CFAP54: variants seen among roughly 807,000 people sequenced by gnomAD.
The protein encoded by CFAP54 is cilia- and flagella-associated protein 54.
CFAP54 carries 290 observed loss-of-function variants against 370.4 expected under a neutral mutation model. The observed-to-expected ratio is 0.78, with a 90% CI of 0.71 to 0.86. The LOEUF is 0.86. Among genes scored for constraint, CFAP54 ranks in the 40% least tolerant of loss-of-function variants. The pLI, the probability that CFAP54 is intolerant of heterozygous loss-of-function variation, is 0.00. For synonymous variants in CFAP54, 1,206 were observed against 1,236.5 expected, an observed-to-expected ratio of 0.98 and a Z score of 0.52; for missense variants, 3,399 against 3,528.7, an observed-to-expected ratio of 0.96 and a Z score of 0.93.
intron 48 of CFAP54, among the ~76,000 whole-genome samples, chr12:96,713,462 T>G (rs1214605782): frequency 6.6e-6 from 1 of 152,218 alleles, no homozygotes; most frequent in Non-Finnish European, 1.5e-5. Flanking sequence ...ACTACTGATT[T>G]TCCTGGCTTC....
intron 5 of CFAP54, among the ~76,000 whole-genome samples, chr12:96,518,164 T>C (rs930354207): frequency 6.6e-6 from 1 of 152,136 alleles, no homozygotes; most frequent in Non-Finnish European, 1.5e-5. Flanking sequence ...GGTGGTAAAA[T>C]TGGGACCAAA....
chr12:96,651,937 G>A (rs542583437), intron 36 of CFAP54, 122 bp downstream of exon 36: 2 of 651,702 alleles, frequency 3.1e-6, no homozygotes, highest in Non-Finnish European at 5.1e-6. Flanking sequence ...CATTTCATTT[G>A]CTTCTCATTA....
chr12:96,659,261 G>A (rs1956962490), intron 38 of CFAP54, among the ~76,000 whole-genome samples: 1 of 152,120 alleles, frequency 6.6e-6, no homozygotes, highest in African/African-American at 2.4e-5. Flanking sequence ...AGCCTTCCGA[G>A]TAGCTGGGAT....
intron 66 of CFAP54, among the ~76,000 whole-genome samples, chr12:96,843,743 C>T (rs1959256919): frequency 6.6e-6 from 1 of 152,140 alleles, no homozygotes; most frequent in Non-Finnish European, 1.5e-5. Context: ...GGCACAATCA[C>T]AATTTACATG....
chr12:96,641,340 C>G (rs1319760240), intron 32 of CFAP54, among the ~76,000 whole-genome samples: 1 of 152,216 alleles, frequency 6.6e-6, no homozygotes, highest in African/African-American at 2.4e-5. Context: ...CTCATCATCA[C>G]TAGCCATCAG....
chr12:96,765,253 C>A (rs1304228737), intron 60 of CFAP54, 35 bp downstream of exon 60: 1 of 1,433,396 alleles, frequency 7.0e-7, no homozygotes, highest in African/African-American at 1.4e-5. Context: ...TGCAAAAAAA[C>A]TGATATATGT....
chr12:96,520,949 G>C (rs1462371647), intron 6 of CFAP54, among the ~76,000 whole-genome samples: 2 of 152,098 alleles, frequency 1.3e-5, no homozygotes, highest in African/African-American at 2.4e-5. Context: ...ACCTTCACGG[G>C]TTACTTGTGT....
chr12:96,767,330 C>G (rs893183574), intron 60 of CFAP54, among the ~76,000 whole-genome samples: 1 of 152,182 alleles, frequency 6.6e-6, no homozygotes, highest in African/African-American at 2.4e-5. Context: ...CAGCCAGGGG[C>G]ACACAGTGGA....
chr12:96,593,229 A>G (rs1164508794), intron 24 of CFAP54, among the ~76,000 whole-genome samples: 2 of 152,084 alleles, frequency 1.3e-5, no homozygotes, highest in Non-Finnish European at 2.9e-5. Flanking sequence ...CTGCAACTCT[A>G]TAATGCTCTT....
rs534880310 is a variant in CFAP54 at position 96,607,794 on chromosome 12, CT to C, written c.3639+9041del. Among the ~76,000 whole-genome samples, 1,152 of 142,546 alleles carry C rather than the reference CT, an allele frequency of 8.1e-3. 3 individuals carry two copies. The highest frequency in any genetic ancestry group is 0.029 in the South Asian group (130 of 4,474). The allele number at this position is 142,546 out of a possible 152,430, so 93.5% of individuals were successfully genotyped here. ...GGAAAGAGAATCAATTAGCTTCAGA[CT>C]TTTTTTTTTTTTTAAATCAGTGATG... On this transcript the variant is annotated intron_variant, in intron 26 of 67. Transcript: ENST00000524981.
chr12:96,505,857 A>T (rs1280955924), intron 3 of CFAP54, among the ~76,000 whole-genome samples: 1 of 152,018 alleles, frequency 6.6e-6, no homozygotes, highest in Non-Finnish European at 1.5e-5. Context: ...CTGGTGCATG[A>T]GCCTGTAACT....
chr12:96,640,625 C>A (rs1024352847), intron 32 of CFAP54, among the ~76,000 whole-genome samples: 8 of 152,160 alleles, frequency 5.3e-5, no homozygotes, highest in African/African-American at 1.9e-4. Context: ...CAAGTCAATC[C>A]TAAGCCAAAA....
chr12:96,643,962 A>G (rs1956762286), intron 32 of CFAP54, among the ~76,000 whole-genome samples: 2 of 152,140 alleles, frequency 1.3e-5, no homozygotes, highest in Non-Finnish European at 2.9e-5. Context: ...AAGACAATAC[A>G]TGGTGTCTTT....
At chr12:96,498,280 A>T (rs896060778) in intron 1 of CFAP54, among the ~76,000 whole-genome samples, 1 of 152,248 alleles carries the variant, frequency 6.6e-6, no homozygotes, top group Non-Finnish European at 1.5e-5. Context: ...CATGCCAAAA[A>T]ATGAATCTAG....
chr12:96,829,389 T>C (rs1334165663), intron 66 of CFAP54, among the ~76,000 whole-genome samples: 1 of 152,170 alleles, frequency 6.6e-6, no homozygotes, highest in Non-Finnish European at 1.5e-5. Context: ...TTTCCCTATG[T>C]ACAGATAAAC....
intron 63 of CFAP54, among the ~76,000 whole-genome samples, chr12:96,802,800 G>T (rs190487896): frequency 1.3e-5 from 2 of 152,112 alleles, no homozygotes; most frequent in East Asian, 3.9e-4. Flanking sequence ...CATGCATTAG[G>T]TATTTGTCCT....
At chr12:96,516,377 C>T (rs1219711586) in intron 5 of CFAP54, among the ~76,000 whole-genome samples, 1 of 139,756 alleles carries the variant, frequency 7.2e-6, no homozygotes, top group African/African-American at 2.7e-5. Flanking sequence ...CCGTCATGAC[C>T]CATTCTATTT....
intron 64 of CFAP54, 110 bp downstream of exon 64, chr12:96,811,952 C>A: frequency 1.7e-6 from 1 of 581,974 alleles, no homozygotes; most frequent in Non-Finnish European, 2.9e-6. Flanking sequence ...AAAGGCACTT[C>A]GCGAAGAATC....
chr12:96,538,656 G>A (rs1367207883), intron 13 of CFAP54, 138 bp downstream of exon 13: 5 of 800,132 alleles, frequency 6.2e-6, no homozygotes, highest in South Asian at 5.7e-5. Flanking sequence ...ATATAAAGAA[G>A]ATATTCTTTC....
Sources: gnomAD v4.1 joint callset for allele counts (sites outside exome capture counted in the v4.1 genomes callset) on GRCh38, gnomAD v4.1.1 for gene constraint, MANE v1.5 for transcripts, NCBI Gene and HGNC (gene_info 2026-07-23, HGNC 2026-07-21) for gene names.